Variants in ARHGEF11 observed in about 807,000 individuals in gnomAD.
The protein encoded by ARHGEF11 is Rho guanine nucleotide exchange factor 11.
ARHGEF11 carries 55 observed loss-of-function variants against 193.7 expected under a neutral mutation model. The ratio of observed to expected loss-of-function variants is 0.28; its 90% confidence interval spans 0.23 to 0.36. The LOEUF (loss-of-function observed/expected upper bound fraction) is 0.36. Ranked by LOEUF, ARHGEF11 falls within the 10% of genes least tolerant of loss-of-function variation. The probability of loss-of-function intolerance (pLI) is 1.00; values close to 1 mark genes in which losing one functional copy is unlikely to be tolerated. For missense variants in ARHGEF11, 1,723 were observed against 2,005.6 expected (o/e 0.86, Z 2.69); for synonymous variants, 693 against 768.0 (o/e 0.90, Z 1.62).
intron 3 of ARHGEF11, among the ~76,000 whole-genome samples, chr1:156,980,944 T>C (rs1351566782): frequency 6.6e-6 from 1 of 151,876 alleles, no homozygotes. Flanking sequence ...TCCTGAGAGG[T>C]TCATAAAGAT....
In ARHGEF11 at chr1:156,977,035, T is replaced by C; in HGVS notation, c.530A>G (p.His177Arg). The C allele has an allele frequency of 6.2e-7, 1 of 1,614,134 alleles. No individual in the cohort carries two copies. Among genetic ancestry groups the C allele is most frequent in the Non-Finnish European group, 8.5e-7 (1 of 1,179,992 alleles). ...CATATTCCTGAGGATCTGGGTGGCATGTTTTTGAACTTCGGGATCCTAGAC... is the reference window on the plus strand; with the variant it reads ...CATATTCCTGAGGATCTGGGTGGCACGTTTTTGAACTTCGGGATCCTAGAC... Reference protein sequence around the residue: ...KPLQDPEVQKHATQILRNMLR... With the variant: ...KPLQDPEVQKRATQILRNMLR... Residue 177 changes from histidine (H) to arginine (R), a missense_variant, in exon 7 of 41, where the codon CAT (histidine) becomes CGT (arginine). By Grantham distance (29) the His-to-Arg change is conservative. Around this residue, in one of 5 missense-constraint regions of ARHGEF11, gnomAD observed 646 missense variants for 710.7 expected, o/e 0.91. Transcript: ENST00000368194.
chr1:156,952,455 AACTAG>A (rs1659257113), intron 21 of ARHGEF11, among the ~76,000 whole-genome samples: 1 of 152,208 alleles, frequency 6.6e-6, no homozygotes, highest in Non-Finnish European at 1.5e-5. Context: ...CCTTCAAGTC[AACTAG>A]CTCAGTTCTG....
chr1:156,944,019 T>C lies in ARHGEF11; in HGVS notation c.3151A>G (p.Thr1051Ala). 6.2e-7 allele frequency: 1 copy of C among 1,614,064 alleles called. No homozygotes were observed. The highest frequency in any genetic ancestry group is 1.3e-5 in the African/African-American group (1 of 75,034). Reference sequence around the variant, plus strand: ...TTGCTGTCTGAGGAGCCCACAGCAGTCTTGCTGTGGCACTTCAGCAATAGC... The same window carrying C: ...TTGCTGTCTGAGGAGCCCACAGCAGCCTTGCTGTGGCACTTCAGCAATAGC... ...EKLLLKCHSK[T>A]AVGSSDSKQT... is the part of the protein sequence containing the mutation. The change falls in exon 32 of 41, where the codon ACT becomes GCT. Residue 1051 changes from threonine (T) to alanine (A), a missense_variant. Coordinates refer to ENST00000368194, the MANE Select transcript of ARHGEF11 (RefSeq NM_198236.3).
chr1:157,020,236 T>A (rs2102896370), intron 1 of ARHGEF11, among the ~76,000 whole-genome samples: 1 of 152,296 alleles, frequency 6.6e-6, no homozygotes, highest in Admixed American at 6.5e-5. Context: ...GTCACAGATG[T>A]ACATGTATGT....
chr1:157,014,295 T>C (rs1445877358), intron 1 of ARHGEF11, among the ~76,000 whole-genome samples: 1 of 152,222 alleles, frequency 6.6e-6, no homozygotes, highest in East Asian at 1.9e-4. Flanking sequence ...TCTTAGCCTT[T>C]TCCCTCTAGT....
intron 1 of ARHGEF11, among the ~76,000 whole-genome samples, chr1:157,008,739 T>C (rs1461346223): frequency 6.6e-6 from 1 of 152,146 alleles, no homozygotes; most frequent in Non-Finnish European, 1.5e-5. Context: ...TGTAGGGGTG[T>C]TGGCCATTCT....
At chr1:156,969,385 C>T (rs377470683) in intron 9 of ARHGEF11, 27 bp from the exon 10 acceptor site, 22 of 1,575,404 alleles carry the variant, frequency 1.4e-5, no homozygotes, top group Non-Finnish European at 1.8e-5. Flanking sequence ...TTCTATAACA[C>T]AGAAGGAGCT....
At position 156,944,136 on chromosome 1, in the gene ARHGEF11, G is replaced by A. The variant is rs1657639281; in HGVS notation, c.3068-34C>T. The A allele has an allele frequency of 3.1e-6, 5 of 1,603,736 alleles. No individual in the cohort carries two copies. In the East Asian group the frequency reaches 8.9e-5, roughly 29 times the overall value. On this transcript the variant is annotated intron_variant, in intron 31 of 40. Coordinates refer to ENST00000368194, the MANE Select transcript of ARHGEF11 (RefSeq NM_198236.3). ...GTATGGTCATGGGAAGGTGTTCCCT[G>A]GTGCCTACTCATCCCTCATGAGCAC...
intron 7 of ARHGEF11, among the ~76,000 whole-genome samples, chr1:156,972,809 CTA>C (rs899683091): frequency 6.6e-6 from 1 of 150,580 alleles, no homozygotes; most frequent in Non-Finnish European, 1.5e-5. Flanking sequence ...AGAAGAAAAA[CTA>C]TGTCTAAATC....
At chr1:157,011,707 T>C (rs1349755848) in intron 1 of ARHGEF11, among the ~76,000 whole-genome samples, 2 of 152,120 alleles carry the variant, frequency 1.3e-5, no homozygotes, top group Non-Finnish European at 1.5e-5. Context: ...GACATACAAA[T>C]GGCCTATATG....
intron 11 of ARHGEF11, among the ~76,000 whole-genome samples, chr1:156,967,457 T>A (rs1312930705): frequency 6.6e-6 from 1 of 152,172 alleles, no homozygotes; most frequent in East Asian, 1.9e-4. Flanking sequence ...TGGATCTAGC[T>A]CCACCCTTGA....
intron 1 of ARHGEF11, among the ~76,000 whole-genome samples, chr1:157,032,689 A>T (rs896002862): frequency 2.0e-5 from 3 of 151,974 alleles, no homozygotes; most frequent in African/African-American, 7.3e-5. Context: ...TATGTCCATC[A>T]CCATTTCTTC....
intron 1 of ARHGEF11, among the ~76,000 whole-genome samples, chr1:157,034,217 T>TAAGTGTAG (rs1671633178): frequency 6.6e-6 from 1 of 152,070 alleles, no homozygotes; most frequent in East Asian, 1.9e-4. Context: ...CTACACTCTC[T>TAAGTGTAG]CCAGCCACCT....
chr1:156,988,610 T>C (rs1198378518), intron 1 of ARHGEF11, among the ~76,000 whole-genome samples: 1 of 152,186 alleles, frequency 6.6e-6, no homozygotes, highest in Non-Finnish European at 1.5e-5. Context: ...AGCTGAGGCA[T>C]GAGCAGTTCC....
intron 1 of ARHGEF11, among the ~76,000 whole-genome samples, chr1:156,999,576 G>T (rs576718069): frequency 3.9e-5 from 6 of 152,252 alleles, no homozygotes; most frequent in African/African-American, 1.4e-4. Context: ...ATTTCAACTG[G>T]AAAAGAAACA....
chr1:157,023,105 T>C (rs1438439215), intron 1 of ARHGEF11, among the ~76,000 whole-genome samples: 1 of 152,132 alleles, frequency 6.6e-6, no homozygotes, highest in South Asian at 2.1e-4. Flanking sequence ...TTATCAGACA[T>C]GACACCAAAA....
chr1:156,955,020 G>A (rs1182384713), intron 20 of ARHGEF11, 99 bp from the exon 21 acceptor site: 2 of 1,054,806 alleles, frequency 1.9e-6, no homozygotes, highest in Non-Finnish European at 2.8e-6. Flanking sequence ...AAATTAAAAG[G>A]TAGTGGCGAA....
In ARHGEF11 at chr1:156,969,219, T is replaced by C. The variant is rs1049671083; in HGVS notation, c.825+63A>G. The C allele has an allele frequency of 3.6e-5, 50 of 1,402,930 alleles. No homozygotes were observed. In the African/African-American group the frequency reaches 5.3e-4, roughly 15 times the overall value. 86.9% of individuals were successfully genotyped at this position (1,402,930 alleles called of 1,614,324 possible). ...CAGTGCAGCTGGTAGGCAGCAGAAC[T>C]TGGGTCAAGGGAAGGGACCCCGAAT... On this transcript the variant is annotated intron_variant, in intron 10 of 40. Coordinates refer to ENST00000368194, the MANE Select transcript of ARHGEF11 (RefSeq NM_198236.3).
In ARHGEF11 at chr1:156,938,485, A is replaced by C. The variant is rs1162017273; in HGVS notation, c.4125T>G (p.Pro1375=). Residue 1375 remains proline (P), a synonymous_variant, in exon 38 of 41, where the codon CCT becomes CCG. Coordinates refer to ENST00000368194, the MANE Select transcript of ARHGEF11 (RefSeq NM_198236.3). ...CTGACTGGCCACTCTCTGGTAGTGC[A>C]GGGACAACCTTGCTGCCTGCCACCT... ...KAEVAGSKVV[P]ALPESGQSEP... is the part of the protein sequence containing the mutation. The C allele has an allele frequency of 6.2e-7, 1 of 1,613,600 alleles. No individual in the cohort carries two copies. The highest frequency in any genetic ancestry group is 8.5e-7 in the Non-Finnish European group (1 of 1,179,742).
Sources: allele counts gnomAD v4.1 joint callset (sites outside exome capture counted in the v4.1 genomes callset), GRCh38; gene constraint gnomAD v4.1.1; regional missense constraint gnomAD v4.1.1; transcripts MANE v1.5; gene names NCBI Gene and HGNC (gene_info 2026-07-23, HGNC 2026-07-21).